AGMO: variants seen among roughly 807,000 people sequenced by gnomAD.
AGMO encodes glyceryl-ether monooxygenase.
AGMO carries 75 observed loss-of-function variants against 60.2 expected under a neutral mutation model. The ratio of observed to expected loss-of-function variants is 1.25; its 90% confidence interval spans 1.03 to 1.51. AGMO has a LOEUF of 1.51. Ranked by LOEUF, AGMO falls within the 40% of genes most tolerant of loss-of-function variation. AGMO has a pLI of 0.00. For missense variants in AGMO, 763 were observed against 525.5 expected (o/e 1.45, Z -4.42); for synonymous variants, 261 against 177.1 (o/e 1.47, Z -3.76).
rs371647021 is a variant in AGMO at position 15,506,214 on chromosome 7, A to T, written c.409+38558T>A. ...CTGAGTAAAGTTTTCATAATTGAGCATTTACTCTGTGCCAGAAACTGAATG... is the reference window on the plus strand; with the variant it reads ...CTGAGTAAAGTTTTCATAATTGAGCTTTTACTCTGTGCCAGAAACTGAATG... On this transcript the variant is annotated intron_variant, in intron 3 of 12. Coordinates refer to ENST00000342526, the MANE Select transcript of AGMO (RefSeq NM_001004320.2). 4.6e-5 allele frequency among the ~76,000 whole-genome samples: 7 copies of T among 152,196 alleles called. No homozygotes were observed. The East Asian group carries it at 1.2e-3, about 25-fold the overall frequency.
chr7:15,354,341 C>CGCGTGTATATAG (rs112393143), intron 12 of AGMO, among the ~76,000 whole-genome samples: 3 of 34,052 alleles, frequency 8.8e-5, no homozygotes, highest in Non-Finnish European at 1.8e-4. Context: ...CGTGTATATA[C>CGCGTGTATATAG]ACGCGTGTAT....
intron 12 of AGMO, among the ~76,000 whole-genome samples, chr7:15,219,816 C>G (rs1474299745): frequency 6.6e-6 from 1 of 152,148 alleles, no homozygotes; most frequent in African/African-American, 2.4e-5. Context: ...GGGGATTACA[C>G]TGTGAAAGTG....
At chr7:15,524,177 T>C (rs1044801607) in intron 3 of AGMO, among the ~76,000 whole-genome samples, 12 of 152,016 alleles carry the variant, frequency 7.9e-5, no homozygotes, top group East Asian at 5.8e-4. Context: ...AATGCTAAAA[T>C]AGTAAACTTG....
intron 3 of AGMO, among the ~76,000 whole-genome samples, chr7:15,481,443 T>C (rs184332929): frequency 6.6e-6 from 1 of 152,122 alleles, no homozygotes; most frequent in African/African-American, 2.4e-5. Flanking sequence ...ACATAAAGCA[T>C]TGCTAATAAT....
intron 6 of AGMO, among the ~76,000 whole-genome samples, chr7:15,393,634 A>G (rs1431089368): frequency 1.3e-5 from 2 of 152,192 alleles, no homozygotes; most frequent in Non-Finnish European, 2.9e-5. Context: ...TTTTCTCGTC[A>G]GGGAAACGCA....
chr7:15,247,049 A>C (rs1288722222), intron 12 of AGMO, among the ~76,000 whole-genome samples: 2 of 151,914 alleles, frequency 1.3e-5, no homozygotes, highest in African/African-American at 4.8e-5. Context: ...CAGGCAATTC[A>C]TCCACTTAGC....
chr7:15,340,012 T>C (rs753550560), intron 12 of AGMO, among the ~76,000 whole-genome samples: 2 of 152,156 alleles, frequency 1.3e-5, no homozygotes, highest in African/African-American at 2.4e-5. Context: ...CAGATACAAG[T>C]ACAAGTTGAG....
rs1224787099 is a variant in AGMO, at chr7:15,322,548, A to G, written c.1263+42966T>C. ...TATAAATATATAAATATATATATAA[A>G]TATATATAAATATATAAATATATAT... On this transcript the variant is annotated intron_variant, in intron 12 of 12. Coordinates refer to ENST00000342526, the MANE Select transcript of AGMO (RefSeq NM_001004320.2). Among the ~76,000 whole-genome samples, 299 of 52,996 alleles carry G rather than the reference A, an allele frequency of 5.6e-3. 7 individuals carry two copies. The highest frequency in any genetic ancestry group is 0.024 in the African/African-American group (269 of 11,044). The allele number at this position is 52,996 out of a possible 152,430, so 34.8% of individuals were successfully genotyped here. A position where few individuals can be genotyped will look rare whatever the true frequency, so the allele number is the denominator to read the frequency against.
intron 4 of AGMO, among the ~76,000 whole-genome samples, chr7:15,421,926 G>A (rs1780937914): frequency 6.6e-6 from 1 of 152,024 alleles, no homozygotes; most frequent in Admixed American, 6.6e-5. Context: ...CAGTAAATGA[G>A]GCTGAAACAG....
intron 3 of AGMO, among the ~76,000 whole-genome samples, chr7:15,543,980 T>C (rs145998536): frequency 5.9e-5 from 9 of 151,612 alleles, no homozygotes; most frequent in East Asian, 3.9e-4. Flanking sequence ...CAAATGCCCA[T>C]CAAGAAATGA....
At chr7:15,357,901 G>C (rs908541728) in intron 12 of AGMO, among the ~76,000 whole-genome samples, 1 of 152,104 alleles carries the variant, frequency 6.6e-6, no homozygotes, top group East Asian at 1.9e-4. Flanking sequence ...TGCAAAAACA[G>C]ATAAATGCCA....
At chr7:15,174,333 G>A in the AGMO span, among the ~76,000 whole-genome samples, 1 of 151,984 alleles carries the variant, frequency 6.6e-6, no homozygotes, top group African/African-American at 2.4e-5. Context: ...GTGGTATTAG[G>A]GGAGGAACGA....
the AGMO span, among the ~76,000 whole-genome samples, chr7:15,175,204 G>C: frequency 6.6e-6 from 1 of 151,558 alleles, no homozygotes; most frequent in East Asian, 1.9e-4. Context: ...GCTTTTATTT[G>C]CCTTCAGAAA....
intron 9 of AGMO, 119 bp from the exon 10 acceptor site, chr7:15,385,681 A>G (rs1435900143): frequency 1.5e-6 from 1 of 674,474 alleles, no homozygotes; most frequent in African/African-American, 1.9e-5. Context: ...AGACAAACAT[A>G]ATTTTTAAAA....
At chr7:15,509,618 A>G (rs1437985751) in intron 3 of AGMO, among the ~76,000 whole-genome samples, 1 of 152,180 alleles carries the variant, frequency 6.6e-6, no homozygotes, top group Non-Finnish European at 1.5e-5. Context: ...CTTCACTGCA[A>G]TCAACAAAAT....
At chr7:15,540,383 G>A (rs779011619) in intron 3 of AGMO, among the ~76,000 whole-genome samples, 2 of 152,184 alleles carry the variant, frequency 1.3e-5, no homozygotes, top group Non-Finnish European at 2.9e-5. Context: ...GTAGGCTACA[G>A]CTGAGCAAGA....
chr7:15,485,142 C>CAAAAAAAAA (rs34731268), intron 3 of AGMO, among the ~76,000 whole-genome samples: 475 of 95,790 alleles, frequency 5.0e-3, no homozygotes, highest in Middle Eastern at 0.014. Flanking sequence ...ACTAAAAATA[C>CAAAAAAAAA]AAAAAAAAAA....
At chr7:15,263,432 T>C (rs1393083708) in intron 12 of AGMO, among the ~76,000 whole-genome samples, 1 of 151,326 alleles carries the variant, frequency 6.6e-6, no homozygotes, top group African/African-American at 2.4e-5. Context: ...GATATTGGCA[T>C]AGATGTGGTA....
the AGMO span, among the ~76,000 whole-genome samples, chr7:15,143,685 T>C: frequency 1.4e-5 from 2 of 143,900 alleles, no homozygotes; most frequent in African/African-American, 2.9e-5. Context: ...TGTTTTGTTT[T>C]GTCTTTTTTT....
Sources: allele counts gnomAD v4.1 joint callset (sites outside exome capture counted in the v4.1 genomes callset), GRCh38; gene constraint gnomAD v4.1.1; transcripts MANE v1.5; gene names NCBI Gene and HGNC (gene_info 2026-07-23, HGNC 2026-07-21).